The following AKAP13 variants were observed in gnomAD, a reference collection of about 807,000 sequenced individuals.
AKAP13 encodes the protein A-kinase anchor protein 13.
A neutral mutation model predicts 264.5 loss-of-function variants in AKAP13; 80 were observed. The ratio of observed to expected loss-of-function variants is 0.30; its 90% CI spans 0.25 to 0.36. The LOEUF is 0.36. AKAP13 is among the 10% of genes least tolerant of loss of function. AKAP13 has a pLI of 1.00. For synonymous variants in AKAP13, 1,380 were observed against 1,250.2 expected (o/e 1.10, Z -2.19); for missense variants, 3,712 against 3,435.2 (o/e 1.08, Z -2.01).
At chr15:85,625,931 G>C (rs1436041520) in intron 8 of AKAP13, among the ~76,000 whole-genome samples, 1 of 152,216 alleles carries the variant, frequency 6.6e-6, no homozygotes, top group African/African-American at 2.4e-5. Flanking sequence ...AAGGAGGGGG[G>C]AGATGTTTTG....
intron 8 of AKAP13, among the ~76,000 whole-genome samples, chr15:85,622,746 A>T (rs1185159983): frequency 6.6e-6 from 1 of 152,220 alleles, no homozygotes; most frequent in Non-Finnish European, 1.5e-5. Context: ...AGTGTCTCAC[A>T]TCTCATATGT....
chr15:85,735,284 A>G, intron 31 of AKAP13, 134 bp downstream of exon 31: 1 of 1,220,662 alleles, frequency 8.2e-7, no homozygotes, highest in Non-Finnish European at 1.1e-6. Context: ...AAGACACTCA[A>G]GAGCTTGTCA....
Position 85,686,277 on chromosome 15 carries a change from A to T in AKAP13, c.5289+1404A>T, listed in dbSNP as rs1013334467. On this transcript the variant is annotated intron_variant, in intron 16 of 36. Transcript: ENST00000394518. ...ATATTTAGAAGTAAGGGAATAAACA[A>T]ACATTGAATTCAAGAATATTGTCAT... is the stretch of plus-strand genomic sequence containing the variant. Among the ~76,000 whole-genome samples the T allele has an allele frequency of 3.3e-5, 5 of 152,272 alleles. No homozygotes were observed. The South Asian group carries it at 8.3e-4, about 25-fold the overall frequency.
intron 1 of AKAP13, among the ~76,000 whole-genome samples, chr15:85,467,982 A>G (rs1454056080): frequency 6.6e-6 from 1 of 152,214 alleles, no homozygotes; most frequent in Non-Finnish European, 1.5e-5. Flanking sequence ...TCAAATTTGC[A>G]CATTTTAATT....
chr15:85,486,739 C>CTTTTTTTT (rs562767898), intron 2 of AKAP13, among the ~76,000 whole-genome samples: 49 of 115,632 alleles, frequency 4.2e-4, no homozygotes, highest in African/African-American at 5.7e-4. Flanking sequence ...TTGTTCAGTT[C>CTTTTTTTT]TTTTTTTTTT....
At chr15:85,621,784 C>G (rs890827452) in intron 8 of AKAP13, among the ~76,000 whole-genome samples, 1 of 152,006 alleles carries the variant, frequency 6.6e-6, no homozygotes, top group Non-Finnish European at 1.5e-5. Flanking sequence ...AGGGTTTTCT[C>G]GAGCATGGTA....
At chr15:85,638,364 A>G (rs1490158723) in intron 8 of AKAP13, among the ~76,000 whole-genome samples, 2 of 152,068 alleles carry the variant, frequency 1.3e-5, no homozygotes, top group Non-Finnish European at 2.9e-5. Flanking sequence ...GTTTTATGTG[A>G]TACAATATGA....
intron 5 of AKAP13, among the ~76,000 whole-genome samples, chr15:85,574,047 T>A (rs1567133060): frequency 1.3e-5 from 2 of 152,218 alleles, no homozygotes; most frequent in Non-Finnish European, 1.5e-5. Context: ...ATCATATAGT[T>A]AGGAGATAAA....
intron 3 of AKAP13, among the ~76,000 whole-genome samples, chr15:85,523,909 T>G (rs184942822): frequency 1.3e-5 from 2 of 152,006 alleles, no homozygotes; most frequent in Admixed American, 1.3e-4. Context: ...TGTGTACCAG[T>G]TAGCTGCATT....
chr15:85,741,609 C>T (rs1456541712), intron 35 of AKAP13, 114 bp downstream of exon 35: 2 of 1,411,050 alleles, frequency 1.4e-6, no homozygotes, highest in African/African-American at 2.9e-5. Context: ...TGGCCAGATG[C>T]TCATGCCTGT....
At chr15:85,486,734 C>G (rs1237078774) in intron 2 of AKAP13, among the ~76,000 whole-genome samples, 1 of 118,978 alleles carries the variant, frequency 8.4e-6, no homozygotes, top group Non-Finnish European at 1.7e-5. Flanking sequence ...CTTAATTGTT[C>G]AGTTCTTTTT....
chr15:85,611,786 G>A (rs1362375145), intron 8 of AKAP13, among the ~76,000 whole-genome samples: 1 of 152,144 alleles, frequency 6.6e-6, no homozygotes, highest in African/African-American at 2.4e-5. Flanking sequence ...TTGTCTCTGT[G>A]CTCTTTCTTC....
intron 6 of AKAP13, 64 bp downstream of exon 6, chr15:85,575,393 G>A (rs2078969487): frequency 4.8e-6 from 7 of 1,462,334 alleles, no homozygotes; most frequent in Non-Finnish European, 6.7e-6. Context: ...GTATGTGTGT[G>A]TCCCCGCCCT....
intron 2 of AKAP13, among the ~76,000 whole-genome samples, chr15:85,504,503 C>CAAAAAAAAAAAAAAAAAAAAAAAAAAAAA (rs566579814): frequency 2.2e-4 from 20 of 91,034 alleles, no homozygotes; most frequent in East Asian, 8.9e-4. Context: ...CCTGTCTTTA[C>CAAAAAAAAAAAAAAAAAAAAAAAAAAAAA]AAAAAAAAAA....
chr15:85,729,104 G>T (rs548775965), intron 29 of AKAP13, among the ~76,000 whole-genome samples: 265 of 152,190 alleles, frequency 1.7e-3, no homozygotes, highest in South Asian at 6.2e-3. Context: ...TTCGAGACCA[G>T]CCTGACCAAC....
intron 5 of AKAP13, chr15:85,555,589 T>G: frequency 5.1e-6 from 4 of 783,914 alleles, no homozygotes; most frequent in Non-Finnish European, 7.6e-6. Flanking sequence ...TGAAGCATCA[T>G]TGAACTTCCC....
At chr15:85,418,301 T>C (rs1050767613) in intron 1 of AKAP13, among the ~76,000 whole-genome samples, 2 of 152,128 alleles carry the variant, frequency 1.3e-5, no homozygotes, top group African/African-American at 4.8e-5. Context: ...GGCAGGTCTC[T>C]AACTCCTGGG....
intron 5 of AKAP13, among the ~76,000 whole-genome samples, chr15:85,552,766 T>C (rs2078005133): frequency 6.6e-6 from 1 of 151,932 alleles, no homozygotes. Flanking sequence ...TGGCTGGAAC[T>C]ACAGGCGTGT....
intron 1 of AKAP13, among the ~76,000 whole-genome samples, chr15:85,399,667 G>A (rs62024516): frequency 0.25 from 38,021 of 151,746 alleles, 6,332 homozygotes; most frequent in Middle Eastern, 0.37. Context: ...AACTCACGAA[G>A]CATCGTTACT....
Sources: allele counts gnomAD v4.1 joint callset (sites outside exome capture counted in the v4.1 genomes callset), GRCh38; gene constraint gnomAD v4.1.1; transcripts MANE v1.5; gene names NCBI Gene and HGNC (gene_info 2026-07-23, HGNC 2026-07-21).